The following GOLGA8T variants were observed in gnomAD, a reference collection of about 807,000 sequenced individuals.
GOLGA8T encodes the protein golgin A8 family member T.
GOLGA8T carries 17 observed loss-of-function variants against 52.0 expected under a neutral mutation model. The ratio of observed to expected loss-of-function variants is 0.33; its 90% CI spans 0.22 to 0.49. GOLGA8T has a LOEUF of 0.49. Ranked by LOEUF, GOLGA8T falls within the 20% of genes least tolerant of loss-of-function variation. GOLGA8T has a pLI of 0.99. For synonymous variants in GOLGA8T, 67 were observed against 169.5 expected (o/e 0.40, Z 4.70); for missense variants, 154 against 462.1 (o/e 0.33, Z 6.11).
At chr15:30,142,409 A>T (rs754547330) in intron 13 of GOLGA8T, 27 bp downstream of exon 13, 18 of 1,572,310 alleles carry the variant, frequency 1.1e-5, no homozygotes, top group Middle Eastern at 2.1e-4. Flanking sequence ...CCTCCACCCC[A>T]TCCAAGAAGG....
intron 16 of GOLGA8T, 25 bp downstream of exon 16, chr15:30,144,901 A>AG (rs2057801456): frequency 1.3e-6 from 2 of 1,588,470 alleles, no homozygotes; most frequent in African/African-American, 1.5e-5. Context: ...AGGGCACGGC[A>AG]GGGGGAGCTA....
In GOLGA8T at chr15:30,142,336, T is replaced by G; in HGVS notation, c.1154T>G (p.Leu385Arg). ...CAGAACAATGAGAACAAGAACGCACTGCAGTTGGAGCAGCAAGTAAAGGAG... is the reference window on the plus strand; with the variant it reads ...CAGAACAATGAGAACAAGAACGCACGGCAGTTGGAGCAGCAAGTAAAGGAG... The part of the protein sequence containing the change: ...EEPNNENKNA[L>R]QLEQQVKELQ... Residue 385 changes from leucine (L) to arginine (R), a missense_variant, in exon 13 of 19, where the codon CTG (leucine) becomes CGG (arginine). Transcript: ENST00000569052. 1 of 1,547,350 alleles carries G rather than the reference T, an allele frequency of 6.5e-7. No individual in the cohort carries two copies. The highest frequency in any genetic ancestry group is 1.1e-5 in the South Asian group (1 of 87,794).
intron 13 of GOLGA8T, among the ~76,000 whole-genome samples, 152 bp from the exon 14 acceptor site, chr15:30,143,454 G>C (rs1297509110): frequency 1.6e-5 from 2 of 128,336 alleles, no homozygotes; most frequent in Non-Finnish European, 3.0e-5. Flanking sequence ...TAATGAACCA[G>C]CTGCAGCAGC....
chr15:30,142,269 T>C (rs1217710578), intron 12 of GOLGA8T, 45 bp from the exon 13 acceptor site: 1 of 1,305,106 alleles, frequency 7.7e-7, no homozygotes. Context: ...AGTTCTGGGG[T>C]CTCCAGCTGC....
At chr15:30,140,708 G>C (rs1405321969) in intron 8 of GOLGA8T, 134 bp from the exon 9 acceptor site, 1 of 792,222 alleles carries the variant, frequency 1.3e-6, no homozygotes, top group Non-Finnish European at 2.1e-6. Flanking sequence ...TTAAAAACCA[G>C]ACCACGGGCT....
intron 1 of GOLGA8T, 145 bp from the exon 2 acceptor site, chr15:30,136,721 C>T: frequency 2.5e-6 from 2 of 798,118 alleles, no homozygotes; most frequent in Non-Finnish European, 3.8e-6. Context: ...TTCTCAGTCA[C>T]TAAATGAGTG....
At chr15:30,139,890 C>T (rs1218097540) in intron 8 of GOLGA8T, 106 bp downstream of exon 8, 1 of 490,990 alleles carries the variant, frequency 2.0e-6, no homozygotes, top group Admixed American at 2.6e-5. Flanking sequence ...CAGAAGGCAG[C>T]ATGGCCATTT....
chr15:30,140,805 C>A, intron 8 of GOLGA8T, 37 bp from the exon 9 acceptor site: 2 of 1,441,970 alleles, frequency 1.4e-6, no homozygotes, highest in South Asian at 2.4e-5. Context: ...AATGCCCAGG[C>A]TCTCCAGATT....
In GOLGA8T at chr15:30,142,334, A is replaced by G. The variant is rs200554853; in HGVS notation, c.1152A>G (p.Ala384=). Residue 384 remains alanine (A), a synonymous_variant, in exon 13 of 19, where the codon GCA becomes GCG. Coordinates refer to ENST00000569052, the MANE Select transcript of GOLGA8T (RefSeq NM_001355469.2). ...TCCAGAACAATGAGAACAAGAACGC[A>G]CTGCAGTTGGAGCAGCAAGTAAAGG... ...FEEPNNENKN[A]LQLEQQVKEL... 3,568 of 1,545,148 alleles carry G rather than the reference A, an allele frequency of 2.3e-3. 110 individuals are homozygous for G. The highest frequency in any genetic ancestry group is 2.6e-3 in the Non-Finnish European group (3,008 of 1,155,960).
chr15:30,141,025 A>G lies in GOLGA8T; in HGVS notation c.679-10A>G, dbSNP rs1179868012. 4.2e-6 allele frequency: 5 copies of G among 1,204,058 alleles called. No individual in the cohort carries two copies. Among genetic ancestry groups the G allele is most frequent in the Admixed American group, 1.9e-5 (1 of 53,720 alleles). The allele number at this position is 1,204,058 out of a possible 1,614,324, so 74.6% of individuals were successfully genotyped here. Reference sequence around the variant, plus strand: ...ACAGCCCTTCCTAAGTTCTGTGCCCATTCTTGCAGTTGAAGGAGTCATTTC... The same window carrying G: ...ACAGCCCTTCCTAAGTTCTGTGCCCGTTCTTGCAGTTGAAGGAGTCATTTC... On this transcript the variant is annotated splice_polypyrimidine_tract_variant and intron_variant, in intron 9 of 18. Transcript: ENST00000569052.
chr15:30,140,928 G>T lies in GOLGA8T; in HGVS notation c.678G>T (p.Gln226His). ...CACTACTGAAAGTGCAGCTGACACA[G>T]GTGAGGTTTTCTGAGGGAGTTATGT... Reference protein sequence around the residue: ...EETLLKVQLTQLKESFQQVQL... With the variant: ...EETLLKVQLTHLKESFQQVQL... The change falls in exon 9 of 19, where the codon CAG becomes CAT. Residue 226 changes from glutamine (Q) to histidine (H), a missense_variant and splice_region_variant. By Grantham distance (24) the Gln-to-His change is conservative. This residue lies in a region of GOLGA8T where 56 missense variants were observed against 134.2 expected (regional missense o/e 0.42). Transcript: ENST00000569052. The T allele has an allele frequency of 6.4e-7, 1 of 1,558,990 alleles. No homozygotes were observed. The highest frequency in any genetic ancestry group is 8.6e-7 in the Non-Finnish European group (1 of 1,160,730).
chr15:30,148,735 A>C lies in GOLGA8T; in HGVS notation c.*3168A>C, dbSNP rs1209386247. 6.7e-6 allele frequency among the ~76,000 whole-genome samples: 1 copy of C among 148,228 alleles called. No individual in the cohort carries two copies. The highest frequency in any genetic ancestry group is 1.5e-5 in the Non-Finnish European group (1 of 67,500). On this transcript the variant is annotated 3_prime_UTR_variant, in exon 19 of 19. Transcript: ENST00000569052. ...GTGTGATGCCACTGTAATGTAATAA[A>C]TTATTAAATTGTTTCAATGTGTTGT... is the stretch of plus-strand genomic sequence containing the variant.
intron 12 of GOLGA8T, 78 bp from the exon 13 acceptor site, chr15:30,142,236 A>C: frequency 1.0e-6 from 1 of 986,962 alleles, no homozygotes; most frequent in Non-Finnish European, 1.5e-6. Context: ...CAGCCTTCCC[A>C]GTGCCATGGG....
chr15:30,136,436 AG>A (rs1454083704), intron 1 of GOLGA8T, among the ~76,000 whole-genome samples: 1 of 148,420 alleles, frequency 6.7e-6, no homozygotes, highest in Non-Finnish European at 1.5e-5. Flanking sequence ...TTTAAGAGAA[AG>A]GCTGCCTTCT....
Position 30,141,052 on chromosome 15 carries a change from A to G in GOLGA8T, c.696A>G (p.Gln232=), listed in dbSNP as rs2057737473. ...VQLTQLKESF[Q]QVQLERDEYS... The stretch of plus-strand genomic sequence containing the variant: ...TCTTGCAGTTGAAGGAGTCATTTCA[A>G]CAAGTCCAATTAGAAAGAGATGAGT... The change falls in exon 10 of 19, where the codon CAA becomes CAG. Residue 232 remains glutamine (Q), a synonymous_variant. Transcript: ENST00000569052. 1.5e-5 allele frequency: 19 copies of G among 1,238,544 alleles called. No individual in the cohort carries two copies. The highest frequency in any genetic ancestry group is 2.1e-5 in the Non-Finnish European group (18 of 874,668). 76.7% of individuals were successfully genotyped at this position (1,238,544 alleles called of 1,614,324 possible). A position where few individuals can be genotyped will look rare whatever the true frequency, so the allele number is the denominator to read the frequency against.
intron 2 of GOLGA8T, among the ~76,000 whole-genome samples, chr15:30,137,221 C>T (rs1281696230): frequency 6.8e-6 from 1 of 147,664 alleles, no homozygotes; most frequent in African/African-American, 2.6e-5. Flanking sequence ...ACTAAAAATA[C>T]AAAAACATTA....
chr15:30,136,302 TC>T (rs1195650660), intron 1 of GOLGA8T, among the ~76,000 whole-genome samples: 1 of 148,088 alleles, frequency 6.8e-6, no homozygotes, highest in East Asian at 2.0e-4. Flanking sequence ...TTCCCTTGAT[TC>T]TCTTGAGATC....
chr15:30,140,833 A>G lies in GOLGA8T; in HGVS notation c.592-9A>G, dbSNP rs913396657. On this transcript the variant is annotated splice_polypyrimidine_tract_variant and intron_variant, in intron 8 of 18. Coordinates refer to ENST00000569052, the MANE Select transcript of GOLGA8T (RefSeq NM_001355469.2). ...TCCAGATTGAAACTTCTCACTCTTC[A>G]CCATCCAGTTGTCCAGCCGCAGCAA... 16 of 1,540,300 alleles carry G rather than the reference A, an allele frequency of 1.0e-5. 1 individual carries two copies. The East Asian group carries it at 2.3e-4, about 22-fold the overall frequency.
At chr15:30,140,618 T>C (rs1446645101) in intron 8 of GOLGA8T, among the ~76,000 whole-genome samples, 3 of 144,212 alleles carry the variant, frequency 2.1e-5, no homozygotes, top group African/African-American at 5.6e-5. Flanking sequence ...ATAGCAATAT[T>C]ATCTGATCTC....
Sources: gnomAD v4.1 joint callset for allele counts (sites outside exome capture counted in the v4.1 genomes callset) on GRCh38, gnomAD v4.1.1 for gene constraint, gnomAD v4.1.1 regional missense constraint, MANE v1.5 for transcripts, NCBI Gene and HGNC (gene_info 2026-07-23, HGNC 2026-07-21) for gene names.